The following FAM13B variants were observed in gnomAD, a reference collection of about 807,000 sequenced individuals.
FAM13B encodes the protein protein FAM13B.
Under a neutral mutation model 117.3 loss-of-function variants are expected in FAM13B, and 60 were observed. The observed-to-expected ratio is 0.51, with a 90% CI of 0.42 to 0.63. The LOEUF (loss-of-function observed/expected upper bound fraction) is 0.63, where lower values mean the gene tolerates loss of function less well. Among genes scored for constraint, FAM13B ranks in the 30% least tolerant of loss-of-function variants. The probability of loss-of-function intolerance (pLI) is 0.00; values close to 1 mark genes in which losing one functional copy is unlikely to be tolerated. For missense variants in FAM13B, 972 were observed against 1,091.9 expected, an observed-to-expected ratio of 0.89 and a Z score of 1.55; for synonymous variants, 332 against 356.1, an observed-to-expected ratio of 0.93 and a Z score of 0.76.
intron 7 of FAM13B, among the ~76,000 whole-genome samples, chr5:138,004,664 A>G: frequency 6.6e-6 from 1 of 152,208 alleles, no homozygotes. Context: ...TCACACCTGT[A>G]AGCCCAGGAG....
chr5:137,970,593 C>G (rs1771783247), intron 10 of FAM13B, among the ~76,000 whole-genome samples: 1 of 151,810 alleles, frequency 6.6e-6, no homozygotes, highest in Non-Finnish European at 1.5e-5. Context: ...ATGACAGGAT[C>G]AAATTCACAC....
At chr5:138,031,233 A>T (rs1302136506) in intron 1 of FAM13B, among the ~76,000 whole-genome samples, 2 of 144,516 alleles carry the variant, frequency 1.4e-5, no homozygotes, top group South Asian at 4.2e-4. Flanking sequence ...ACATTCTAAT[A>T]AAAAAAACTA....
intron 18 of FAM13B, among the ~76,000 whole-genome samples, chr5:137,947,379 T>C (rs1046309294): frequency 1.3e-5 from 2 of 152,194 alleles, no homozygotes; most frequent in African/African-American, 4.8e-5. Context: ...CTTGAATCAG[T>C]CTTAAACCAA....
chr5:137,960,339 C>T (rs1007227612), intron 11 of FAM13B, 125 bp from the exon 12 acceptor site: 8 of 518,580 alleles, frequency 1.5e-5, no homozygotes, highest in Non-Finnish European at 2.7e-5. Flanking sequence ...GGAGAAAATG[C>T]CAACTGGACA....
chr5:138,048,022 A>G (rs1791691905), intron 1 of FAM13B, among the ~76,000 whole-genome samples: 3 of 152,242 alleles, frequency 2.0e-5, no homozygotes, highest in Non-Finnish European at 4.4e-5. Flanking sequence ...AGAGAGTTCC[A>G]AGTTTCCCCT....
intron 4 of FAM13B, among the ~76,000 whole-genome samples, chr5:138,012,508 A>G (rs9327806): frequency 4.6e-5 from 7 of 152,106 alleles, no homozygotes; most frequent in Non-Finnish European, 2.9e-5. Context: ...TAACTAAATT[A>G]AAAGGTCTTT....
chr5:138,034,732 G>A (rs1416266953), upstream of FAM13B, among the ~76,000 whole-genome samples: 2 of 152,164 alleles, frequency 1.3e-5, no homozygotes, highest in Non-Finnish European at 2.9e-5. Context: ...TGTGCATTTA[G>A]CCTTGTATCT....
chr5:138,019,995 A>G, intron 2 of FAM13B: 2 of 979,856 alleles, frequency 2.0e-6, no homozygotes, highest in Non-Finnish European at 2.4e-6. Context: ...ACATTTTTAT[A>G]AAAAAGAAAT....
intron 1 of FAM13B, among the ~76,000 whole-genome samples, chr5:138,026,367 C>T (rs1037789412): frequency 1.3e-5 from 2 of 152,034 alleles, no homozygotes; most frequent in Admixed American, 6.6e-5. Context: ...GGTTCACACC[C>T]GTAATCCCAG....
intron 10 of FAM13B, among the ~76,000 whole-genome samples, chr5:137,965,386 G>A (rs539779628): frequency 6.6e-6 from 1 of 152,216 alleles, no homozygotes; most frequent in South Asian, 2.1e-4. Context: ...AGTCATATTA[G>A]CAATATCTTA....
chr5:137,970,300 A>G (rs558376467), intron 10 of FAM13B, among the ~76,000 whole-genome samples: 2 of 152,202 alleles, frequency 1.3e-5, no homozygotes, highest in East Asian at 1.9e-4. Flanking sequence ...AGTGGGGGCC[A>G]ATATTCAACA....
rs546511432 is a variant in FAM13B at position 138,011,047 on chromosome 5, T to C, written c.651A>G (p.Glu217=). ...NYYEFFENEE[E]DFSSNDLSSI... is the part of the protein sequence containing the mutation. The stretch of plus-strand genomic sequence containing the variant: ...AACTCAAATCATTAGATGAAAAATC[T>C]TCCTCTTCATTCTCAAAAAACTCAT... Residue 217 remains glutamate (E), a synonymous_variant, in exon 6 of 24, where the codon GAA becomes GAG. Coordinates refer to ENST00000689681, the MANE Select transcript of FAM13B (RefSeq NM_001385994.1). 54 of 1,608,318 alleles carry C rather than the reference T, an allele frequency of 3.4e-5. No individual in the cohort carries two copies. The South Asian group carries it at 5.2e-4, about 16-fold the overall frequency.
intron 1 of FAM13B, among the ~76,000 whole-genome samples, chr5:138,027,924 G>A (rs1392549581): frequency 3.3e-5 from 5 of 152,260 alleles, no homozygotes; most frequent in Admixed American, 6.5e-5. Context: ...ACATGCCTGC[G>A]TCCCCTTCCA....
At position 138,023,417 on chromosome 5, in the gene FAM13B, A is replaced by G. The variant is rs866970033; in HGVS notation, c.-202-2220T>C. On this transcript the variant is annotated intron_variant, in intron 1 of 23. Transcript: ENST00000689681. Reference sequence around the variant, plus strand: ...TTAATTAGACATTGCAAGGCTCACCAATTTACCCACAGTCCACCCAGATAA... The same window carrying G: ...TTAATTAGACATTGCAAGGCTCACCGATTTACCCACAGTCCACCCAGATAA... Among the ~76,000 whole-genome samples, 6 of 152,302 alleles carry G rather than the reference A, an allele frequency of 3.9e-5. No homozygotes were observed. The Middle Eastern group carries it at 0.014, about 345-fold the overall frequency.
intron 16 of FAM13B, among the ~76,000 whole-genome samples, chr5:137,952,972 T>C (rs1030569462): frequency 8.5e-5 from 13 of 152,200 alleles, no homozygotes; most frequent in African/African-American, 3.1e-4. Context: ...ATTAAAATTC[T>C]CTTTCCCCTC....
chr5:137,969,717 A>G (rs1169609883), intron 10 of FAM13B, among the ~76,000 whole-genome samples: 1 of 152,066 alleles, frequency 6.6e-6, no homozygotes, highest in Non-Finnish European at 1.5e-5. Flanking sequence ...TTTGAAAAAA[A>G]TTTAGAAGAA....
upstream of FAM13B, chr5:138,036,279 C>CT (rs778940823): frequency 7.9e-6 from 3 of 381,568 alleles, no homozygotes; most frequent in Non-Finnish European, 1.6e-5. Flanking sequence ...CGAAGGAGAG[C>CT]TTTTTTCTCA....
intron 10 of FAM13B, among the ~76,000 whole-genome samples, chr5:137,984,454 G>A (rs1296991291): frequency 6.6e-6 from 1 of 151,856 alleles, no homozygotes; most frequent in African/African-American, 2.4e-5. Context: ...TTTTTCCTTT[G>A]TTTCAGGACA....
intron 5 of FAM13B, among the ~76,000 whole-genome samples, chr5:138,011,504 C>T (rs901621662): frequency 3.4e-4 from 51 of 152,010 alleles, no homozygotes; most frequent in Admixed American, 3.3e-4. Flanking sequence ...CTGCAAGCTC[C>T]GCCTCCCCGG....
Sources: gnomAD v4.1 joint callset for allele counts (sites outside exome capture counted in the v4.1 genomes callset) on GRCh38, gnomAD v4.1.1 for gene constraint, MANE v1.5 for transcripts, NCBI Gene and HGNC (gene_info 2026-07-23, HGNC 2026-07-21) for gene names.